KLHL32: variants seen among roughly 807,000 people sequenced by gnomAD.
KLHL32 encodes the protein kelch-like protein 32.
A neutral mutation model predicts 64.8 loss-of-function variants in KLHL32; 35 were observed. The ratio of observed to expected loss-of-function variants is 0.54; its 90% CI spans 0.41 to 0.72. The LOEUF (loss-of-function observed/expected upper bound fraction) is 0.72, where lower values mean the gene tolerates loss of function less well. KLHL32 is among the 30% of genes least tolerant of loss of function. The probability of loss-of-function intolerance (pLI) is 0.00; values close to 1 mark genes in which losing one functional copy is unlikely to be tolerated. For synonymous variants in KLHL32, 259 were observed against 281.0 expected, an observed-to-expected ratio of 0.92 and a Z score of 0.78; for missense variants, 589 against 768.5, an observed-to-expected ratio of 0.77 and a Z score of 2.76.
intron 4 of KLHL32, among the ~76,000 whole-genome samples, chr6:97,055,910 G>T (rs1787785075): frequency 6.8e-6 from 1 of 147,940 alleles, no homozygotes; most frequent in South Asian, 2.2e-4. Context: ...GTTACATAAA[G>T]TTATTTTTCC....
chr6:96,992,726 A>G (rs1778028707), intron 3 of KLHL32, among the ~76,000 whole-genome samples: 1 of 152,232 alleles, frequency 6.6e-6, no homozygotes, highest in Non-Finnish European at 1.5e-5. Context: ...GGTTATGCAC[A>G]AAGAGTGCCT....
At chr6:97,016,208 C>A (rs9481197) in intron 3 of KLHL32, among the ~76,000 whole-genome samples, 9,887 of 152,250 alleles carry the variant, frequency 0.065, 687 homozygotes, top group African/African-American at 0.17. Flanking sequence ...TCCTCCAGAC[C>A]CCAGAATGGC....
intron 1 of KLHL32, among the ~76,000 whole-genome samples, chr6:96,948,980 T>C (rs1772248094): frequency 6.6e-6 from 1 of 152,210 alleles, no homozygotes; most frequent in Non-Finnish European, 1.5e-5. Flanking sequence ...TTTTTTATTA[T>C]TTTGATATTT....
chr6:97,069,400 C>CTTT (rs199967868), intron 5 of KLHL32, among the ~76,000 whole-genome samples: 1,392 of 134,514 alleles, frequency 0.01, 32 homozygotes, highest in African/African-American at 0.036. Flanking sequence ...GATTTTGTTC[C>CTTT]TTTTTTTTTT....
intron 3 of KLHL32, among the ~76,000 whole-genome samples, chr6:96,979,904 TTTA>T (rs1231220431): frequency 6.6e-6 from 1 of 152,190 alleles, no homozygotes; most frequent in East Asian, 1.9e-4. Context: ...TCCTAGGTAT[TTTA>T]TTCTTTTTGT....
At chr6:97,109,601 C>T (rs946412199) in intron 6 of KLHL32, among the ~76,000 whole-genome samples, 1 of 152,088 alleles carries the variant, frequency 6.6e-6, no homozygotes, top group Non-Finnish European at 1.5e-5. Flanking sequence ...GCTTCTCACG[C>T]AGTTAGTAAC....
intron 6 of KLHL32, among the ~76,000 whole-genome samples, chr6:97,104,754 A>G (rs1796177383): frequency 6.6e-6 from 1 of 152,222 alleles, no homozygotes; most frequent in Non-Finnish European, 1.5e-5. Flanking sequence ...GAGCACTGTT[A>G]TAATTTTTAA....
Position 97,100,340 on chromosome 6 carries a change from C to A in KLHL32, c.628-13443C>A, listed in dbSNP as rs1795541812. 2.0e-5 allele frequency among the ~76,000 whole-genome samples: 3 copies of A among 152,186 alleles called. No individual in the cohort carries two copies. The South Asian group carries it at 6.2e-4, about 32-fold the overall frequency. On this transcript the variant is annotated intron_variant, in intron 6 of 10. Transcript: ENST00000369261. ...ACCTAGTACAGGTAGTCAGTGGTGC[C>A]ATCAAATTTATGTATATCCTTTGCA...
rs1232036113 is a variant in KLHL32 at position 97,039,712 on chromosome 6, C to T, written c.205-1780C>T. The stretch of plus-strand genomic sequence containing the variant: ...GCGGGCACCTATAGTCCCAGCTACT[C>T]GGGAAGCTGAGGTAGGAGAATCACT... On this transcript the variant is annotated intron_variant, in intron 3 of 10. Transcript: ENST00000369261. Among the ~76,000 whole-genome samples, 4 of 106,244 alleles carry T rather than the reference C, an allele frequency of 3.8e-5. 2 individuals carry two copies. The highest frequency in any genetic ancestry group is 4.5e-4 in the East Asian group (2 of 4,466). 69.7% of individuals were successfully genotyped at this position (106,244 alleles called of 152,430 possible).
At chr6:97,039,895 T>C (rs1461213248) in intron 3 of KLHL32, among the ~76,000 whole-genome samples, 2 of 152,106 alleles carry the variant, frequency 1.3e-5, no homozygotes, top group Non-Finnish European at 2.9e-5. Flanking sequence ...TTGAATGTTT[T>C]AAGCATAAAG....
chr6:96,923,543 G>C (rs963412239), upstream of KLHL32, among the ~76,000 whole-genome samples: 1 of 152,162 alleles, frequency 6.6e-6, no homozygotes, highest in African/African-American at 2.4e-5. Context: ...AAGCCAGACA[G>C]ATAACCTCCA....
At chr6:97,085,041 A>T in intron 5 of KLHL32, 85 bp from the exon 6 acceptor site, 4 of 1,132,030 alleles carry the variant, frequency 3.5e-6, no homozygotes, top group East Asian at 2.4e-5. Context: ...TGAAAACCTT[A>T]GTGAGTCAAT....
chr6:97,129,894 A>C (rs571823295), intron 8 of KLHL32, among the ~76,000 whole-genome samples: 2 of 152,274 alleles, frequency 1.3e-5, no homozygotes, highest in African/African-American at 4.8e-5. Context: ...AATACAAAAC[A>C]AAACAAAACA....
At chr6:97,050,193 A>G (rs373644934) in intron 4 of KLHL32, among the ~76,000 whole-genome samples, 1 of 152,158 alleles carries the variant, frequency 6.6e-6, no homozygotes, top group African/African-American at 2.4e-5. Flanking sequence ...TTTTTGAAAA[A>G]TGTATTCCTG....
chr6:97,017,559 T>C (rs1355349345), intron 3 of KLHL32, among the ~76,000 whole-genome samples: 3 of 152,176 alleles, frequency 2.0e-5, no homozygotes, highest in Non-Finnish European at 4.4e-5. Context: ...AATGGTACCA[T>C]GCAAAGGAGC....
At chr6:97,067,564 C>G (rs948656068) in intron 5 of KLHL32, among the ~76,000 whole-genome samples, 2 of 152,174 alleles carry the variant, frequency 1.3e-5, no homozygotes, top group African/African-American at 4.8e-5. Flanking sequence ...CCATCACTAT[C>G]TTTCCCAAGA....
chr6:97,137,014 C>G (rs541338091), intron 10 of KLHL32, among the ~76,000 whole-genome samples: 2 of 152,134 alleles, frequency 1.3e-5, no homozygotes, highest in Non-Finnish European at 2.9e-5. Context: ...TAATTTTTTC[C>G]GGTATCAATT....
the KLHL32 span, among the ~76,000 whole-genome samples, chr6:96,906,575 G>C: frequency 6.6e-6 from 1 of 152,282 alleles, no homozygotes. Context: ...CAGGTAAGGT[G>C]CTGTTATTCT....
At chr6:97,044,730 T>C (rs1785658065) in intron 4 of KLHL32, among the ~76,000 whole-genome samples, 1 of 152,084 alleles carries the variant, frequency 6.6e-6, no homozygotes, top group South Asian at 2.1e-4. Context: ...ACTTTTTTAT[T>C]CAGTCTTGCT....
Sources: gnomAD v4.1 joint callset for allele counts (sites outside exome capture counted in the v4.1 genomes callset) on GRCh38, gnomAD v4.1.1 for gene constraint, MANE v1.5 for transcripts, NCBI Gene and HGNC (gene_info 2026-07-23, HGNC 2026-07-21) for gene names.